Variants in ZNF248 observed in about 807,000 individuals in gnomAD.
ZNF248 encodes zinc finger protein 248, also known as KRAB protein domain.
ZNF248 carries 20 observed loss-of-function variants against 44.3 expected under a neutral mutation model. The ratio of observed to expected loss-of-function variants is 0.45; its 90% CI spans 0.32 to 0.66. ZNF248 has a LOEUF of 0.66. Among genes scored for constraint, ZNF248 ranks in the 30% least tolerant of loss-of-function variants. The pLI, the probability that ZNF248 is intolerant of heterozygous loss-of-function variation, is 0.04. For missense variants in ZNF248, 654 were observed against 677.0 expected (o/e 0.97, Z 0.38); for synonymous variants, 224 against 229.0 (o/e 0.98, Z 0.20).
In ZNF248 at chr10:37,857,210, A is replaced by T. The variant is rs2061456785; in HGVS notation, c.-151T>A. The T allele has an allele frequency of 6.5e-6, 1 of 153,088 alleles. No individual in the cohort carries two copies. The highest frequency in any genetic ancestry group is 2.4e-5 in the African/African-American group (1 of 41,428). 9.5% of individuals were successfully genotyped at this position (153,088 alleles called of 1,614,324 possible). ...CTCTCTCTTCTTAAATTTGTCCCAG[A>T]CCTTGCACCAGCACACAGACTCCGA... On this transcript the variant is annotated 5_prime_UTR_variant, in exon 1 of 6. Coordinates refer to ENST00000395867, the MANE Select transcript of ZNF248 (RefSeq NM_021045.3).
intron 3 of ZNF248, among the ~76,000 whole-genome samples, chr10:37,851,562 T>C (rs1340866693): frequency 1.3e-5 from 2 of 151,964 alleles, no homozygotes; most frequent in Non-Finnish European, 2.9e-5. Flanking sequence ...ATATGAAACA[T>C]ACTTGTTAAT....
intron 6 of ZNF248, among the ~76,000 whole-genome samples, chr10:37,810,766 C>T (rs1469233583): frequency 1.3e-5 from 2 of 152,074 alleles, no homozygotes; most frequent in African/African-American, 4.8e-5. Context: ...AAAGACTGTA[C>T]ATGGTACCAT....
At chr10:37,804,693 A>C (rs1414224962) in intron 6 of ZNF248, among the ~76,000 whole-genome samples, 1 of 152,164 alleles carries the variant, frequency 6.6e-6, no homozygotes, top group Non-Finnish European at 1.5e-5. Flanking sequence ...CACCCTGCCT[A>C]GGTCGCCCAA....
chr10:37,835,414 G>C (rs899885648), intron 5 of ZNF248, among the ~76,000 whole-genome samples: 1 of 152,160 alleles, frequency 6.6e-6, no homozygotes. Context: ...AGGCTCTCTG[G>C]TTTTTGTGTA....
chr10:37,787,431 C>G (rs2133001397), intron 6 of ZNF248, among the ~76,000 whole-genome samples: 1 of 152,108 alleles, frequency 6.6e-6, no homozygotes, highest in East Asian at 1.9e-4. Flanking sequence ...ACTTTTACTG[C>G]CCAGGATGCT....
chr10:37,820,167 GA>G (rs1249085431), intron 6 of ZNF248: 4 of 1,191,940 alleles, frequency 3.4e-6, no homozygotes, highest in African/African-American at 3.0e-5. Context: ...TCTTAAGTCA[GA>G]ATTCTTACTG....
At chr10:37,834,936 C>T (rs1372639803) in intron 5 of ZNF248, among the ~76,000 whole-genome samples, 2 of 152,090 alleles carry the variant, frequency 1.3e-5, no homozygotes, top group Non-Finnish European at 1.5e-5. Flanking sequence ...GCAAGGGCTA[C>T]ACTATTATAG....
At chr10:37,849,684 C>CA (rs764707172) in intron 3 of ZNF248, among the ~76,000 whole-genome samples, 233 of 134,834 alleles carry the variant, frequency 1.7e-3, no homozygotes, top group Non-Finnish European at 2.9e-3. Context: ...GAGACTGTCT[C>CA]AAAAAAAAAA....
Position 37,828,824 on chromosome 10 carries a change from A to T in ZNF248, c.*2791T>A. On this transcript the variant is annotated 3_prime_UTR_variant, in exon 6 of 6. Coordinates refer to ENST00000395867, the MANE Select transcript of ZNF248 (RefSeq NM_021045.3). ...GAGCTGCTTACCTTACACCACATACAATAAGAAACACCACAGGGAGGTATG... is the reference window on the plus strand; with the variant it reads ...GAGCTGCTTACCTTACACCACATACTATAAGAAACACCACAGGGAGGTATG... The T allele has an allele frequency of 5.1e-6, 5 of 985,358 alleles. No individual in the cohort carries two copies. Among genetic ancestry groups the T allele is most frequent in the Non-Finnish European group, 4.8e-6 (4 of 829,852 alleles). 61.0% of individuals were successfully genotyped at this position (985,358 alleles called of 1,614,324 possible).
At chr10:37,819,165 GTTTTA>G in intron 6 of ZNF248, 1 of 788,114 alleles carries the variant, frequency 1.3e-6, no homozygotes, top group Non-Finnish European at 2.3e-6. Flanking sequence ...ATGATGGGAG[GTTTTA>G]TTTTATTTAA....
At chr10:37,812,274 T>C (rs2051638955) in intron 6 of ZNF248, among the ~76,000 whole-genome samples, 1 of 151,608 alleles carries the variant, frequency 6.6e-6, no homozygotes, top group African/African-American at 2.4e-5. Flanking sequence ...GGAGGAAGGA[T>C]ATCTGCTTGA....
At chr10:37,780,285 C>T (rs1423123997) in intron 6 of ZNF248, among the ~76,000 whole-genome samples, 1 of 152,070 alleles carries the variant, frequency 6.6e-6, no homozygotes, top group African/African-American at 2.4e-5. Context: ...GCTACAGTAA[C>T]CAAAACAGCA....
Position 37,830,508 on chromosome 10 carries a change from C to T in ZNF248, c.*1107G>A. 3 of 985,386 alleles carry T rather than the reference C, an allele frequency of 3.0e-6. No individual in the cohort carries two copies. Among genetic ancestry groups the T allele is most frequent in the Non-Finnish European group, 2.4e-6 (2 of 829,904 alleles). 61.0% of individuals were successfully genotyped at this position (985,386 alleles called of 1,614,324 possible). A position where few individuals can be genotyped will look rare whatever the true frequency, so the allele number is the denominator to read the frequency against. ...TCACGGAAATATTTTTGGCTTCTTT[C>T]TTGAAGACGTGGTTCAGCTGTAAAT... is the stretch of plus-strand genomic sequence containing the variant. On this transcript the variant is annotated 3_prime_UTR_variant, in exon 6 of 6. Transcript: ENST00000395867.
chr10:37,761,871 A>T, the ZNF248 span, among the ~76,000 whole-genome samples: 3 of 152,212 alleles, frequency 2.0e-5, no homozygotes, highest in Non-Finnish European at 4.4e-5. Context: ...ATAAAGCTTC[A>T]AGGTTGGTTA....
At chr10:37,794,043 T>A (rs1317542735) in intron 6 of ZNF248, among the ~76,000 whole-genome samples, 2 of 152,206 alleles carry the variant, frequency 1.3e-5, no homozygotes, top group East Asian at 3.9e-4. Context: ...TTTTTTTTAT[T>A]GATTTGTTGA....
rs78132881 is a variant in ZNF248 at position 37,818,710 on chromosome 10, T to G, written c.330+14315A>C. On this transcript the variant is annotated intron_variant, in intron 6 of 6. Transcript: ENST00000615949. Reference sequence around the variant, plus strand: ...TGGATATAATGCAGCAAGTAGGGGGTCACAGGCCAGTTGCTGGGCATCAAT... The same window carrying G: ...TGGATATAATGCAGCAAGTAGGGGGGCACAGGCCAGTTGCTGGGCATCAAT... The G allele has an allele frequency of 3.0e-3, 1,721 of 575,310 alleles. 48 individuals carry two copies. In the East Asian group the frequency reaches 0.058, roughly 19 times the overall value. The allele number at this position is 575,310 out of a possible 1,614,324, so 35.6% of individuals were successfully genotyped here.
chr10:37,844,362 G>T (rs2058899873), intron 3 of ZNF248, among the ~76,000 whole-genome samples: 1 of 152,124 alleles, frequency 6.6e-6, no homozygotes, highest in Non-Finnish European at 1.5e-5. Context: ...ATACTAAATG[G>T]AAGGTTGAAA....
At chr10:37,820,640 G>A (rs2053312670) in intron 6 of ZNF248, 1 of 1,529,740 alleles carries the variant, frequency 6.5e-7, no homozygotes, top group Non-Finnish European at 9.1e-7. Flanking sequence ...AGTTTCATGT[G>A]GTTCGGCTTT....
At chr10:37,780,982 G>A (rs568635145) in intron 6 of ZNF248, among the ~76,000 whole-genome samples, 1 of 151,348 alleles carries the variant, frequency 6.6e-6, no homozygotes, top group South Asian at 2.1e-4. Flanking sequence ...TGCGGGACAC[G>A]TTTTTGTTCG....
Sources: gnomAD v4.1 joint callset for allele counts (sites outside exome capture counted in the v4.1 genomes callset) on GRCh38, gnomAD v4.1.1 for gene constraint, MANE v1.5 for transcripts, NCBI Gene and HGNC (gene_info 2026-07-23, HGNC 2026-07-21) for gene names.